The following TMEFF2 variants were observed in gnomAD, a reference collection of about 807,000 sequenced individuals.
The protein encoded by TMEFF2 is transmembrane protein with EGF like and two follistatin like domains 2.
A neutral mutation model predicts 53.8 loss-of-function variants in TMEFF2; 28 were observed. The observed-to-expected ratio is 0.52, with a 90% CI of 0.39 to 0.71. The LOEUF (loss-of-function observed/expected upper bound fraction) is 0.71, where lower values mean the gene tolerates loss of function less well. TMEFF2 is among the 30% of genes least tolerant of loss of function. The pLI, the probability that TMEFF2 is intolerant of heterozygous loss-of-function variation, is 0.00. For missense variants in TMEFF2, 353 were observed against 455.2 expected (o/e 0.78, Z 2.04); for synonymous variants, 162 against 166.3 (o/e 0.97, Z 0.20).
chr2:192,050,144 A>G (rs1277471671), intron 5 of TMEFF2, among the ~76,000 whole-genome samples: 3 of 152,272 alleles, frequency 2.0e-5, no homozygotes, highest in South Asian at 2.1e-4. Context: ...GATATAAAAT[A>G]GAAATTACAT....
chr2:192,117,682 G>A (rs1397219858), intron 4 of TMEFF2, among the ~76,000 whole-genome samples: 6 of 151,776 alleles, frequency 4.0e-5, no homozygotes, highest in Admixed American at 3.9e-4. Context: ...CCACTTTTCT[G>A]CATGGCAGAT....
At chr2:192,074,670 T>G (rs986510449) in intron 4 of TMEFF2, among the ~76,000 whole-genome samples, 3 of 151,984 alleles carry the variant, frequency 2.0e-5, no homozygotes, top group African/African-American at 7.2e-5. Context: ...ACTAGCTACA[T>G]TTCAACTGGT....
rs148455442 is a variant in TMEFF2, at chr2:192,096,095, G to T, written c.440-38320C>A. ...CAGAACACTTACTGGCAGGAAAATGGCATTTGGATGGGTGTTCTACTATGA... is the reference window on the plus strand; with the variant it reads ...CAGAACACTTACTGGCAGGAAAATGTCATTTGGATGGGTGTTCTACTATGA... On this transcript the variant is annotated intron_variant, in intron 4 of 9. Transcript: ENST00000272771. Among the ~76,000 whole-genome samples, 679 of 152,208 alleles carry T rather than the reference G, an allele frequency of 4.5e-3. 9 individuals carry two copies. Among genetic ancestry groups the T allele is most frequent in the Non-Finnish European group, 7.6e-3 (516 of 68,014 alleles).
intron 4 of TMEFF2, among the ~76,000 whole-genome samples, chr2:192,129,931 G>A (rs1274858973): frequency 3.3e-5 from 5 of 152,030 alleles, no homozygotes; most frequent in Admixed American, 1.3e-4. Flanking sequence ...GAAATAATTC[G>A]CCTGACCCTA....
Position 191,953,678 on chromosome 2 carries a change from C to T in TMEFF2, c.1028+1G>A. On this transcript the variant is annotated splice_donor_variant, in intron 9 of 9. Transcript: ENST00000272771. LOFTEE classifies it high-confidence loss of function. The stretch of plus-strand genomic sequence containing the variant: ...GGTAGCCACCAAGTGCTGTTACTGA[C>T]CTTGTGATGCAGAGGACCACCACAC... The T allele has an allele frequency of 6.2e-7, 1 of 1,613,052 alleles. No individual in the cohort carries two copies. The highest frequency in any genetic ancestry group is 1.1e-5 in the South Asian group (1 of 90,896).
At chr2:192,176,823 C>A (rs374786275) in intron 4 of TMEFF2, 1 of 150,810 alleles carries the variant, frequency 6.6e-6, no homozygotes, top group African/African-American at 2.4e-5. Context: ...TATTCATTCA[C>A]GCTAAAATAT....
intron 5 of TMEFF2, among the ~76,000 whole-genome samples, chr2:192,024,613 C>A (rs1686927350): frequency 6.6e-6 from 1 of 152,174 alleles, no homozygotes; most frequent in Admixed American, 6.5e-5. Flanking sequence ...AAAATATATA[C>A]TCGCGGAGTA....
intron 4 of TMEFF2, among the ~76,000 whole-genome samples, chr2:192,127,200 A>G (rs1689697380): frequency 6.6e-6 from 1 of 152,206 alleles, no homozygotes; most frequent in African/African-American, 2.4e-5. Flanking sequence ...TTTTTAAAAG[A>G]TTCAATGATT....
chr2:192,086,615 G>A (rs1487625731), intron 4 of TMEFF2, among the ~76,000 whole-genome samples: 1 of 152,124 alleles, frequency 6.6e-6, no homozygotes, highest in Non-Finnish European at 1.5e-5. Flanking sequence ...TATAAAAAAA[G>A]TTCATAGTAA....
At chr2:192,018,377 T>G (rs1357063463) in intron 5 of TMEFF2, among the ~76,000 whole-genome samples, 1 of 152,190 alleles carries the variant, frequency 6.6e-6, no homozygotes, top group Non-Finnish European at 1.5e-5. Flanking sequence ...ATTTCTTTTT[T>G]TACCCTTACA....
chr2:192,021,023 T>A (rs1381781284), intron 5 of TMEFF2, among the ~76,000 whole-genome samples: 2 of 152,196 alleles, frequency 1.3e-5, no homozygotes, highest in African/African-American at 4.8e-5. Flanking sequence ...ATAGTTTTTC[T>A]TAAGCATTGA....
At chr2:192,048,032 T>G (rs1328361733) in intron 5 of TMEFF2, among the ~76,000 whole-genome samples, 2 of 152,302 alleles carry the variant, frequency 1.3e-5, no homozygotes, top group East Asian at 1.9e-4. Flanking sequence ...AGTGGAAATG[T>G]TTTCAGTTAA....
intron 5 of TMEFF2, among the ~76,000 whole-genome samples, chr2:192,027,443 A>G (rs1249919663): frequency 6.6e-6 from 1 of 152,250 alleles, no homozygotes; most frequent in African/African-American, 2.4e-5. Flanking sequence ...ATAGAACAGT[A>G]TACAAAATAA....
At chr2:192,094,041 A>T (rs1422528432) in intron 4 of TMEFF2, among the ~76,000 whole-genome samples, 2 of 152,172 alleles carry the variant, frequency 1.3e-5, no homozygotes, top group African/African-American at 4.8e-5. Flanking sequence ...TATTAGCAGT[A>T]AAGTTCTGAT....
At chr2:192,083,783 T>C (rs1253043945) in intron 4 of TMEFF2, among the ~76,000 whole-genome samples, 2 of 151,584 alleles carry the variant, frequency 1.3e-5, no homozygotes, top group African/African-American at 4.9e-5. Flanking sequence ...TGTTTACTCT[T>C]TATTCACATA....
At chr2:192,078,446 G>A (rs1207791313) in intron 4 of TMEFF2, among the ~76,000 whole-genome samples, 1 of 152,134 alleles carries the variant, frequency 6.6e-6, no homozygotes, top group Admixed American at 6.5e-5. Flanking sequence ...CCAGTCTCTT[G>A]TGTTCCTTTT....
intron 4 of TMEFF2, among the ~76,000 whole-genome samples, chr2:192,134,808 C>G (rs1051931735): frequency 1.3e-5 from 2 of 152,174 alleles, no homozygotes; most frequent in African/African-American, 2.4e-5. Flanking sequence ...GTTTAGCCTT[C>G]CCACCTCTAT....
At chr2:192,115,494 C>A (rs1211268103) in intron 4 of TMEFF2, among the ~76,000 whole-genome samples, 4 of 151,770 alleles carry the variant, frequency 2.6e-5, no homozygotes, top group Non-Finnish European at 5.9e-5. Flanking sequence ...GGAATTACAT[C>A]AAACAAAAAA....
At chr2:192,138,751 T>A (rs191494969) in intron 4 of TMEFF2, among the ~76,000 whole-genome samples, 1 of 152,324 alleles carries the variant, frequency 6.6e-6, no homozygotes, top group East Asian at 1.9e-4. Flanking sequence ...ATTTAATCTT[T>A]AGCAGCAAAG....
Sources: allele counts gnomAD v4.1 joint callset (sites outside exome capture counted in the v4.1 genomes callset), GRCh38; gene constraint gnomAD v4.1.1; transcripts MANE v1.5; gene names NCBI Gene and HGNC (gene_info 2026-07-23, HGNC 2026-07-21).